Variants in LPP observed in about 807,000 individuals in gnomAD.
The protein encoded by LPP is LIM domain containing preferred translocation partner in lipoma.
LPP carries 38 observed loss-of-function variants against 60.4 expected under a neutral mutation model. That is an observed-to-expected ratio of 0.63 (90% CI 0.49 to 0.83). The LOEUF is 0.83. Among genes scored for constraint, LPP ranks in the 40% least tolerant of loss-of-function variants. LPP has a pLI of 0.00. For missense variants in LPP, 902 were observed against 783.6 expected, an observed-to-expected ratio of 1.15 and a Z score of -1.80; for synonymous variants, 328 against 290.8, an observed-to-expected ratio of 1.13 and a Z score of -1.30.
At chr3:188,238,620 G>T (rs1474793511) in intron 2 of LPP, among the ~76,000 whole-genome samples, 1 of 152,126 alleles carries the variant, frequency 6.6e-6, no homozygotes, top group Non-Finnish European at 1.5e-5. Flanking sequence ...GGAATGGCTG[G>T]TCAGTGGAGC....
At chr3:188,372,876 G>A (rs1043819580) in intron 3 of LPP, among the ~76,000 whole-genome samples, 1 of 151,624 alleles carries the variant, frequency 6.6e-6, no homozygotes, top group African/African-American at 2.4e-5. Flanking sequence ...CCCCACAACA[G>A]GCCCCGGTGT....
chr3:188,269,645 A>ATATGAGTG (rs748506984), intron 2 of LPP, among the ~76,000 whole-genome samples: 1 of 136,454 alleles, frequency 7.3e-6, no homozygotes, highest in Non-Finnish European at 1.5e-5. Context: ...CTTTTTTTTT[A>ATATGAGTG]TGTGTGTGTG....
At chr3:188,386,260 G>GCA (rs1491279764) in intron 3 of LPP, among the ~76,000 whole-genome samples, 3,740 of 96,712 alleles carry the variant, frequency 0.039, 59 homozygotes, top group Middle Eastern at 0.055. Flanking sequence ...GTCATAGCAT[G>GCA]CGCGCACACA....
intron 3 of LPP, among the ~76,000 whole-genome samples, chr3:188,371,643 T>TATATATATATATATATATATATATATATA (rs1560311234): frequency 6.6e-5 from 1 of 15,136 alleles, no homozygotes; most frequent in East Asian, 3.8e-3. Context: ...ATATATATAT[T>TATATATATATATATATATATATATATATA]TTTTTTTTTT....
At chr3:188,533,151 TG>T (rs1395838391) in intron 6 of LPP, among the ~76,000 whole-genome samples, 1 of 152,206 alleles carries the variant, frequency 6.6e-6, no homozygotes, top group Non-Finnish European at 1.5e-5. Flanking sequence ...AGGGCTTGGG[TG>T]CAGTGTAATC....
chr3:188,274,340 G>T (rs1430045666), intron 2 of LPP, among the ~76,000 whole-genome samples: 1 of 152,094 alleles, frequency 6.6e-6, no homozygotes, highest in Admixed American at 6.6e-5. Context: ...ACCACAAAGG[G>T]GACCATAAAA....
chr3:188,413,422 C>G (rs1455471416), intron 4 of LPP, among the ~76,000 whole-genome samples: 3 of 152,074 alleles, frequency 2.0e-5, no homozygotes, highest in African/African-American at 7.2e-5. Context: ...ACATCTTGGA[C>G]GTTTGGTATA....
chr3:188,546,260 T>C (rs1038068312), intron 6 of LPP, among the ~76,000 whole-genome samples: 3 of 152,222 alleles, frequency 2.0e-5, no homozygotes, highest in African/African-American at 7.2e-5. Context: ...TTCACCACTC[T>C]GCCAGATTAT....
chr3:188,327,887 G>A (rs1383998681), intron 2 of LPP, among the ~76,000 whole-genome samples: 1 of 151,996 alleles, frequency 6.6e-6, no homozygotes. Flanking sequence ...TATGTATAAT[G>A]ATATTTACCA....
Position 188,268,811 on chromosome 3 carries a change from C to G in LPP, c.-67+43284C>G, listed in dbSNP as rs140567455. Among the ~76,000 whole-genome samples the G allele has an allele frequency of 6.6e-5, 10 of 152,304 alleles. No homozygotes were observed. In the East Asian group the frequency reaches 1.9e-3, roughly 29 times the overall value. ...GAATAATGAATGAATATTCTATTAA[C>G]AGGTACTACCTATTAACCGCTTACA... On this transcript the variant is annotated intron_variant, in intron 2 of 11. Coordinates refer to ENST00000617246, the MANE Select transcript of LPP (RefSeq NM_001375462.1).
At chr3:188,434,631 G>A (rs1791849767) in intron 4 of LPP, among the ~76,000 whole-genome samples, 1 of 152,172 alleles carries the variant, frequency 6.6e-6, no homozygotes, top group Admixed American at 6.5e-5. Flanking sequence ...TCCTGGTTTG[G>A]AATTTAAGGG....
chr3:188,558,921 C>T (rs1243392227), intron 6 of LPP, among the ~76,000 whole-genome samples: 1 of 152,014 alleles, frequency 6.6e-6, no homozygotes. Flanking sequence ...ATTTTGAATT[C>T]GTGGTGGAAA....
intron 4 of LPP, 30 bp downstream of exon 4, chr3:188,406,343 T>C (rs1783483425): frequency 3.1e-6 from 5 of 1,590,442 alleles, no homozygotes; most frequent in Non-Finnish European, 4.3e-6. Context: ...AGTTGGTTAC[T>C]TGGAGTAGGA....
At position 188,886,737 on chromosome 3, in the gene LPP, TACACACAC is replaced by T. The variant is rs755287902; in HGVS notation, c.*12279_*12286del. ...TCTTCAAAACACACACACACACACA[TACACACAC>T]ACACACACACACACACACACCCCTT... On this transcript the variant is annotated 3_prime_UTR_variant, in exon 12 of 12. Transcript: ENST00000617246. The T allele has an allele frequency of 3.2e-5, 6 of 190,418 alleles. No homozygotes were observed. Among genetic ancestry groups the T allele is most frequent in the Non-Finnish European group, 3.9e-5 (4 of 102,606 alleles). 11.8% of individuals were successfully genotyped at this position (190,418 alleles called of 1,614,324 possible). A position where few individuals can be genotyped will look rare whatever the true frequency, so the allele number is the denominator to read the frequency against.
At chr3:188,600,765 G>C (rs1840988739) in intron 6 of LPP, among the ~76,000 whole-genome samples, 1 of 151,878 alleles carries the variant, frequency 6.6e-6, no homozygotes, top group Non-Finnish European at 1.5e-5. Flanking sequence ...TTATAAATTT[G>C]ACTCTTCTAG....
chr3:188,244,561 C>G (rs541179229), intron 2 of LPP, among the ~76,000 whole-genome samples: 1 of 152,274 alleles, frequency 6.6e-6, no homozygotes, highest in South Asian at 2.1e-4. Context: ...CCTTCAAGAC[C>G]AAGACTTTGG....
intron 1 of LPP, among the ~76,000 whole-genome samples, chr3:188,204,497 T>G (rs1732602909): frequency 6.6e-6 from 1 of 152,202 alleles, no homozygotes; most frequent in African/African-American, 2.4e-5. Flanking sequence ...AGTAACTTTT[T>G]GCAGTGCTTC....
chr3:188,628,445 A>C (rs1847257865), intron 7 of LPP, among the ~76,000 whole-genome samples: 1 of 152,100 alleles, frequency 6.6e-6, no homozygotes, highest in South Asian at 2.1e-4. Context: ...GCAATACAAA[A>C]AACCCTCAGC....
Position 188,396,800 on chromosome 3 carries a change from AG to A in LPP, c.-9-9311del, listed in dbSNP as rs375089603. ...AGCAGTCTATAAGAATCAAGGACTTAGAAGAAACCTGCTAAGGAGCCCGTTT... is the reference window on the plus strand; with the variant it reads ...AGCAGTCTATAAGAATCAAGGACTTAAAGAAACCTGCTAAGGAGCCCGTTT... On this transcript the variant is annotated intron_variant, in intron 3 of 11. Coordinates refer to ENST00000617246, the MANE Select transcript of LPP (RefSeq NM_001375462.1). Among the ~76,000 whole-genome samples, 37 of 151,892 alleles carry A rather than the reference AG, an allele frequency of 2.4e-4. No individual in the cohort carries two copies. In the East Asian group the frequency reaches 7.1e-3, roughly 29 times the overall value.
Sources: allele counts gnomAD v4.1 joint callset (sites outside exome capture counted in the v4.1 genomes callset), GRCh38; gene constraint gnomAD v4.1.1; transcripts MANE v1.5; gene names NCBI Gene and HGNC (gene_info 2026-07-23, HGNC 2026-07-21).